The following KCNC1 variants were observed in gnomAD, a reference collection of about 807,000 sequenced individuals.
The protein encoded by KCNC1 is potassium voltage-gated channel subfamily C member 1.
KCNC1 carries 8 observed loss-of-function variants against 43.4 expected under a neutral mutation model. That is an observed-to-expected ratio of 0.18 (90% CI 0.11 to 0.33). The LOEUF is 0.33. Ranked by LOEUF, KCNC1 falls within the 10% of genes least tolerant of loss-of-function variation. The pLI is 1.00. For synonymous variants in KCNC1, 361 were observed against 360.5 expected, an observed-to-expected ratio of 1.00 and a Z score of -0.01; for missense variants, 420 against 836.0, an observed-to-expected ratio of 0.50 and a Z score of 6.14.
At chr11:17,774,893 C>T (rs965746027) in intron 2 of KCNC1, 1 of 985,512 alleles carries the variant, frequency 1.0e-6, no homozygotes, top group Non-Finnish European at 1.2e-6. Flanking sequence ...CCTCATCCCT[C>T]ACCAGAACAC....
chr11:17,756,057 A>G (rs562709424), intron 1 of KCNC1, among the ~76,000 whole-genome samples: 97 of 152,324 alleles, frequency 6.4e-4, no homozygotes, highest in African/African-American at 2.2e-3. Flanking sequence ...GGGAGGGATC[A>G]GTGGCATCAG....
At position 17,736,590 on chromosome 11, in the gene KCNC1, C is replaced by T. The variant is rs1376743538; in HGVS notation, c.570+18C>T. 2.7e-6 allele frequency: 4 copies of T among 1,487,168 alleles called. No homozygotes were observed. The highest frequency in any genetic ancestry group is 3.6e-6 in the Non-Finnish European group (4 of 1,125,824). 92.1% of individuals were successfully genotyped at this position (1,487,168 alleles called of 1,614,324 possible). A position where few individuals can be genotyped will look rare whatever the true frequency, so the allele number is the denominator to read the frequency against. ...ACGCGCGGGTAAGTGACAATTTACC[C>T]ATCAGAAGAGCGGGGCGGGAAGGCA... On this transcript the variant is annotated intron_variant, in intron 1 of 3. Transcript: ENST00000265969. The surrounding 1 kb of genome is among the most constrained non-coding windows in gnomAD (Gnocchi z 9.3).
At chr11:17,778,331 G>C (rs1413273775) in intron 2 of KCNC1, among the ~76,000 whole-genome samples, 1 of 152,124 alleles carries the variant, frequency 6.6e-6, no homozygotes, top group East Asian at 1.9e-4. Flanking sequence ...CTCCTCCCAG[G>C]CTTCTTCTCA....
intron 2 of KCNC1, 152 bp downstream of exon 2, chr11:17,772,750 A>T: frequency 5.4e-6 from 8 of 1,493,778 alleles, no homozygotes; most frequent in Non-Finnish European, 7.1e-6. Flanking sequence ...GGGCCCAGGG[A>T]GATGCTGGGC....
In KCNC1 at chr11:17,777,858, G is replaced by A. The variant is rs952084261; in HGVS notation, c.1505-1598G>A. ...GACTGCCTCTTTGTAGTGACATGAT[G>A]TGTACACGGGCGGTAATCCCACCCA... On this transcript the variant is annotated intron_variant, in intron 2 of 3. Transcript: ENST00000265969. This position sits in a 1 kb window ranked among gnomAD's most constrained non-coding sequence, Gnocchi z 4.3. 1 of 986,362 alleles carries A rather than the reference G, an allele frequency of 1.0e-6. No individual in the cohort carries two copies. Among genetic ancestry groups the A allele is most frequent in the Non-Finnish European group, 1.2e-6 (1 of 830,052 alleles). 61.1% of individuals were successfully genotyped at this position (986,362 alleles called of 1,614,324 possible).
intron 1 of KCNC1, among the ~76,000 whole-genome samples, chr11:17,749,932 G>A (rs1443516317): frequency 5.3e-5 from 8 of 152,208 alleles, no homozygotes; most frequent in Non-Finnish European, 7.3e-5. Flanking sequence ...AGAGCATTAG[G>A]GAGAAAACAC....
intron 1 of KCNC1, among the ~76,000 whole-genome samples, chr11:17,755,595 GA>G (rs2133791480): frequency 6.6e-6 from 1 of 152,182 alleles, no homozygotes; most frequent in South Asian, 2.1e-4. Flanking sequence ...GTGACAGAAA[GA>G]GATGTGTCAA....
chr11:17,749,595 G>C (rs995757964), intron 1 of KCNC1, among the ~76,000 whole-genome samples: 9 of 152,244 alleles, frequency 5.9e-5, no homozygotes, highest in Non-Finnish European at 1.3e-4. Flanking sequence ...ATGAATGTTT[G>C]ATGCTCAGCC....
chr11:17,767,359 C>A lies in KCNC1; in HGVS notation c.571-4306C>A, dbSNP rs575288668. ...TTGGATCCAAGTCTCAGCCTCATCACGAGCTTTAAAACCTTGGCTTAGTCC... is the reference window on the plus strand; with the variant it reads ...TTGGATCCAAGTCTCAGCCTCATCAAGAGCTTTAAAACCTTGGCTTAGTCC... On this transcript the variant is annotated intron_variant, in intron 1 of 3. Transcript: ENST00000265969. Among the ~76,000 whole-genome samples the A allele has an allele frequency of 2.0e-5, 3 of 152,114 alleles. No homozygotes were observed. In the East Asian group the frequency reaches 5.8e-4, roughly 29 times the overall value.
chr11:17,758,826 G>A (rs983511691), intron 1 of KCNC1, among the ~76,000 whole-genome samples: 2 of 152,204 alleles, frequency 1.3e-5, no homozygotes, highest in African/African-American at 4.8e-5. Context: ...CATTTCTAGA[G>A]CACAGGCAGA....
In KCNC1 at chr11:17,739,163, C is replaced by A. The variant is rs372936809; in HGVS notation, c.570+2591C>A. On this transcript the variant is annotated intron_variant, in intron 1 of 3. Transcript: ENST00000265969. This position sits in a 1 kb window ranked among gnomAD's most constrained non-coding sequence, Gnocchi z 4.2. ...CTGTCACCTTTGTTTACCCCTCCCC[C>A]ACACGGGGCCCCGAGACTCCTCACA... 6.6e-6 allele frequency among the ~76,000 whole-genome samples: 1 copy of A among 152,216 alleles called. No individual in the cohort carries two copies. The highest frequency in any genetic ancestry group is 1.5e-5 in the Non-Finnish European group (1 of 68,040).
chr11:17,764,696 G>A (rs533229573), intron 1 of KCNC1, among the ~76,000 whole-genome samples: 14 of 152,284 alleles, frequency 9.2e-5, no homozygotes, highest in African/African-American at 2.4e-4. Context: ...GCGCTCGGGG[G>A]CCAGGCCTCC....
Position 17,779,481 on chromosome 11 carries a change from G to A in KCNC1, c.1530G>A (p.Ala510=), listed in dbSNP as rs769295720. Residue 510 remains alanine, a synonymous_variant, in exon 3 of 4, where the codon GCG becomes GCA. Coordinates refer to ENST00000265969, the MANE Select transcript of KCNC1 (RefSeq NM_001112741.2). The surrounding 1 kb of genome is among the most constrained non-coding windows in gnomAD (Gnocchi z 7.2). The part of the protein sequence containing the change: ...RADSKLNGEV[A]KAALANEDCP... Reference sequence around the variant, plus strand: ...ATTCCAAACTGAATGGGGAGGTGGCGAAGGCCGCGCTGGCGAACGAAGACT... The same window carrying A: ...ATTCCAAACTGAATGGGGAGGTGGCAAAGGCCGCGCTGGCGAACGAAGACT... The A allele has an allele frequency of 9.0e-6, 14 of 1,549,218 alleles. No individual in the cohort carries two copies. The South Asian group carries it at 1.1e-4, about 12-fold the overall frequency.
intron 1 of KCNC1, among the ~76,000 whole-genome samples, chr11:17,743,883 C>T (rs892686614): frequency 6.6e-5 from 10 of 152,154 alleles, no homozygotes; most frequent in South Asian, 2.1e-4. Context: ...CCCTCGCTGA[C>T]GTCATGTTTT....
intron 2 of KCNC1, chr11:17,775,281 T>TTCCCCCCCCCCCC: frequency 2.1e-6 from 2 of 935,850 alleles, no homozygotes; most frequent in Non-Finnish European, 2.5e-6. Flanking sequence ...TCTGAGGGCA[T>TTCCCCCCCCCCCC]CCCTCCCGCC....
At position 17,740,835 on chromosome 11, in the gene KCNC1, A is replaced by C. The variant is rs571509210; in HGVS notation, c.570+4263A>C. ...ACTGCCTCTTTGGAACTCGATAAAAACTGGCCTCCCCTCAGCTCCCAGGGA... is the reference window on the plus strand; with the variant it reads ...ACTGCCTCTTTGGAACTCGATAAAACCTGGCCTCCCCTCAGCTCCCAGGGA... On this transcript the variant is annotated intron_variant, in intron 1 of 3. Transcript: ENST00000265969. Among the ~76,000 whole-genome samples, 11 of 152,160 alleles carry C rather than the reference A, an allele frequency of 7.2e-5. No individual in the cohort carries two copies. In the East Asian group the frequency reaches 1.7e-3, roughly 24 times the overall value.
intron 1 of KCNC1, among the ~76,000 whole-genome samples, chr11:17,764,062 A>C (rs1590102952): frequency 5.3e-5 from 4 of 76,086 alleles, no homozygotes; most frequent in Non-Finnish European, 7.4e-5. Context: ...CCCACACATC[A>C]CCCCACACAT....
intron 1 of KCNC1, among the ~76,000 whole-genome samples, chr11:17,740,778 C>T (rs1450191053): frequency 6.6e-6 from 1 of 152,176 alleles, no homozygotes; most frequent in East Asian, 1.9e-4. Flanking sequence ...TCTCCTCTGA[C>T]CCTTGTCCTG....
intron 2 of KCNC1, among the ~76,000 whole-genome samples, chr11:17,778,295 G>GC (rs1849307331): frequency 6.6e-6 from 1 of 152,106 alleles, no homozygotes; most frequent in African/African-American, 2.4e-5. Context: ...GCCAAAGTTT[G>GC]CCCCCCACCA....
Sources: allele counts gnomAD v4.1 joint callset (sites outside exome capture counted in the v4.1 genomes callset), GRCh38; gene constraint gnomAD v4.1.1; non-coding constraint Gnocchi (gnomAD v3.1); transcripts MANE v1.5; gene names NCBI Gene and HGNC (gene_info 2026-07-23, HGNC 2026-07-21).